Variants in KCNQ3 observed in about 807,000 individuals in gnomAD.
KCNQ3 encodes the protein potassium voltage-gated channel subfamily KQT member 3.
KCNQ3 carries 30 observed loss-of-function variants against 92.5 expected under a neutral mutation model. The observed-to-expected ratio is 0.32, with a 90% CI of 0.24 to 0.44. The LOEUF (loss-of-function observed/expected upper bound fraction) is 0.44. KCNQ3 is among the 20% of genes least tolerant of loss of function. The pLI is 1.00. For missense variants in KCNQ3, 913 were observed against 1,140.3 expected (o/e 0.80, Z 2.87); for synonymous variants, 450 against 468.8 (o/e 0.96, Z 0.52).
At chr8:132,384,368 G>A (rs1164931148) in intron 1 of KCNQ3, among the ~76,000 whole-genome samples, 1 of 152,230 alleles carries the variant, frequency 6.6e-6, no homozygotes, top group Non-Finnish European at 1.5e-5. Context: ...TAGGAAGGAA[G>A]TAAACATCTT....
rs1346661498 is a variant in KCNQ3 at position 132,140,148 on chromosome 8, T to C, written c.1496A>G (p.Asp499Gly). 5 of 1,613,478 alleles carry C rather than the reference T, an allele frequency of 3.1e-6. No homozygotes were observed. In the South Asian group the frequency reaches 4.4e-5, roughly 14 times the overall value. ...GGGGAAGTCATTCCCATAGCCCCTGTCTTCCGCCATGGGGTCACCTGTCCC... is the reference window on the plus strand; with the variant it reads ...GGGGAAGTCATTCCCATAGCCCCTGCCTTCCGCCATGGGGTCACCTGTCCC... The part of the protein sequence containing the change: ...DAGTGDPMAE[D>G]RGYGNDFPIE... The change falls in exon 11 of 15, where the codon GAC (aspartate) becomes GGC (glycine). Residue 499 changes from aspartate to glycine, a missense_variant. By Grantham distance (94) the Asp-to-Gly change is moderately conservative (BLOSUM62 -1). Around this residue, in one of 6 missense-constraint regions of KCNQ3, gnomAD observed 182 missense variants for 234.5 expected, o/e 0.78. Transcript: ENST00000388996.
At chr8:132,463,955 C>T (rs906795387) in intron 1 of KCNQ3, among the ~76,000 whole-genome samples, 1 of 152,138 alleles carries the variant, frequency 6.6e-6, no homozygotes, top group Non-Finnish European at 1.5e-5. Flanking sequence ...GAGGCTGAGG[C>T]GGGTGGACCA....
At chr8:132,137,568 C>T (rs577066103) in intron 12 of KCNQ3, among the ~76,000 whole-genome samples, 17 of 152,262 alleles carry the variant, frequency 1.1e-4, no homozygotes, top group South Asian at 4.2e-4. Flanking sequence ...CAGCTGGATT[C>T]GGTTTAATTC....
Position 132,480,708 on chromosome 8 carries a change from G to A in KCNQ3, c.-176C>T, listed in dbSNP as rs1171204139. The A allele has an allele frequency of 3.8e-5, 23 of 613,252 alleles. No homozygotes were observed. The highest frequency in any genetic ancestry group is 4.7e-5 in the Non-Finnish European group (23 of 484,266). 38.0% of individuals were successfully genotyped at this position (613,252 alleles called of 1,614,324 possible). On this transcript the variant is annotated 5_prime_UTR_variant, in exon 1 of 15. Coordinates refer to ENST00000388996, the MANE Select transcript of KCNQ3 (RefSeq NM_004519.4). The stretch of plus-strand genomic sequence containing the variant: ...AGCAGGCAAAGGCGGGCCCCCTGGG[G>A]GGCAGGGGAGGCCAGGCAGGGGGTC...
At chr8:132,230,068 G>A (rs1339047931) in intron 1 of KCNQ3, among the ~76,000 whole-genome samples, 2 of 152,098 alleles carry the variant, frequency 1.3e-5, no homozygotes, top group Non-Finnish European at 2.9e-5. Context: ...GTCAATAACT[G>A]TTTTTCTCTG....
Position 132,232,778 on chromosome 8 carries a change from C to T in KCNQ3, c.387-46597G>A, listed in dbSNP as rs78156906. On this transcript the variant is annotated intron_variant, in intron 1 of 14. Coordinates refer to ENST00000388996, the MANE Select transcript of KCNQ3 (RefSeq NM_004519.4). ...TAAAAAACAGCCCCAAATACTCACG[C>T]CCCAGCTTCCCTTGTGGATTGGGGT... 1.8e-3 allele frequency among the ~76,000 whole-genome samples: 271 copies of T among 152,316 alleles called. 2 individuals are homozygous for T. The East Asian group carries it at 0.036, about 20-fold the overall frequency.
At chr8:132,476,492 G>A (rs893617332) in intron 1 of KCNQ3, among the ~76,000 whole-genome samples, 3 of 152,358 alleles carry the variant, frequency 2.0e-5, no homozygotes, top group East Asian at 1.9e-4. Flanking sequence ...CTTGCATTAG[G>A]GTGGCCTGGA....
intron 1 of KCNQ3, among the ~76,000 whole-genome samples, chr8:132,343,068 C>T (rs917375002): frequency 1.1e-4 from 17 of 152,208 alleles, no homozygotes; most frequent in African/African-American, 3.6e-4. Flanking sequence ...CAGCACACAG[C>T]GCTTCAATCC....
At chr8:132,138,718 G>A (rs572504972) in intron 11 of KCNQ3, among the ~76,000 whole-genome samples, 1 of 152,140 alleles carries the variant, frequency 6.6e-6, no homozygotes, top group Non-Finnish European at 1.5e-5. Context: ...CTAATCACAG[G>A]TCAGTGTCAG....
At chr8:132,269,887 T>C (rs796089057) in intron 1 of KCNQ3, among the ~76,000 whole-genome samples, 22 of 152,314 alleles carry the variant, frequency 1.4e-4, no homozygotes, top group African/African-American at 5.1e-4. Context: ...AAATAAAATT[T>C]CTGTCTTTTT....
intron 1 of KCNQ3, among the ~76,000 whole-genome samples, chr8:132,342,752 C>T (rs1316105449): frequency 1.3e-5 from 2 of 152,176 alleles, no homozygotes; most frequent in Non-Finnish European, 2.9e-5. Context: ...AAGTGCTGGA[C>T]TACAGTTTCA....
At chr8:132,291,053 T>C (rs1162934002) in intron 1 of KCNQ3, among the ~76,000 whole-genome samples, 2 of 152,166 alleles carry the variant, frequency 1.3e-5, no homozygotes, top group East Asian at 3.9e-4. Flanking sequence ...CTGGAAACTG[T>C]CCACTGGATT....
intron 9 of KCNQ3, among the ~76,000 whole-genome samples, chr8:132,154,360 G>T (rs1338493637): frequency 1.1e-4 from 16 of 151,508 alleles, no homozygotes; most frequent in Admixed American, 1.1e-3. Flanking sequence ...TCTTCTTCAG[G>T]CCATGAAACT....
Position 132,480,634 on chromosome 8 carries a change from G to A in KCNQ3, c.-102C>T. 3.4e-6 allele frequency: 4 copies of A among 1,164,868 alleles called. No individual in the cohort carries two copies. The highest frequency in any genetic ancestry group is 4.3e-6 in the Non-Finnish European group (4 of 924,648). The allele number at this position is 1,164,868 out of a possible 1,614,324, so 72.2% of individuals were successfully genotyped here. A position where few individuals can be genotyped will look rare whatever the true frequency, so the allele number is the denominator to read the frequency against. On this transcript the variant is annotated 5_prime_UTR_variant, in exon 1 of 15. Coordinates refer to ENST00000388996, the MANE Select transcript of KCNQ3 (RefSeq NM_004519.4). ...AGGCGGCGGCGGCGGCTGCAAGCCC[G>A]GGAACTCCAATGCCATGATCCGCGC...
intron 8 of KCNQ3, among the ~76,000 whole-genome samples, chr8:132,166,963 G>C (rs778516870): frequency 2.4e-4 from 37 of 152,148 alleles, no homozygotes; most frequent in Non-Finnish European, 5.1e-4. Flanking sequence ...TATGTCCATA[G>C]AATGTGTATG....
At position 132,125,432 on chromosome 8, in the gene KCNQ3, C is replaced by T. The variant is rs1187186143; in HGVS notation, c.*3830G>A. On this transcript the variant is annotated 3_prime_UTR_variant, in exon 15 of 15. Coordinates refer to ENST00000388996, the MANE Select transcript of KCNQ3 (RefSeq NM_004519.4). The stretch of plus-strand genomic sequence containing the variant: ...AAGGGACCTCTGATGTTTGAGACCT[C>T]TAGATTCCTAGCATTTTGATGGCAG... The T allele has an allele frequency of 6.6e-6, 1 of 152,200 alleles. No homozygotes were observed. The highest frequency in any genetic ancestry group is 1.5e-5 in the Non-Finnish European group (1 of 68,044). The allele number at this position is 152,200 out of a possible 1,614,324, so 9.4% of individuals were successfully genotyped here.
chr8:132,400,143 G>A (rs1328701398), intron 1 of KCNQ3, among the ~76,000 whole-genome samples: 5 of 152,204 alleles, frequency 3.3e-5, no homozygotes, highest in African/African-American at 1.2e-4. Context: ...AGACAAACAC[G>A]TATGTACTAT....
intron 1 of KCNQ3, among the ~76,000 whole-genome samples, chr8:132,358,329 G>A (rs1819070485): frequency 6.6e-6 from 1 of 152,150 alleles, no homozygotes; most frequent in Admixed American, 6.5e-5. Context: ...GAGGCCTAAT[G>A]GGTTTGAGAG....
At chr8:132,325,331 G>A (rs1586928078) in intron 1 of KCNQ3, among the ~76,000 whole-genome samples, 1 of 152,148 alleles carries the variant, frequency 6.6e-6, no homozygotes, top group Non-Finnish European at 1.5e-5. Context: ...ATATAGGCTT[G>A]GGGCATTTGT....
Sources: gnomAD v4.1 joint callset for allele counts (sites outside exome capture counted in the v4.1 genomes callset) on GRCh38, gnomAD v4.1.1 for gene constraint, gnomAD v4.1.1 regional missense constraint, MANE v1.5 for transcripts, NCBI Gene and HGNC (gene_info 2026-07-23, HGNC 2026-07-21) for gene names.